The following ARHGAP24 variants were observed in gnomAD, a reference collection of about 807,000 sequenced individuals.
The protein encoded by ARHGAP24 is Rho GTPase activating protein 24, also known as rho GTPase-activating protein 24.
A neutral mutation model predicts 76.4 loss-of-function variants in ARHGAP24; 50 were observed. The observed-to-expected ratio is 0.65, with a 90% CI of 0.52 to 0.83. The LOEUF is 0.83. Among genes scored for constraint, ARHGAP24 ranks in the 40% least tolerant of loss-of-function variants. The pLI is 0.00. For synonymous variants in ARHGAP24, 345 were observed against 323.3 expected (o/e 1.07, Z -0.72); for missense variants, 930 against 914.2 (o/e 1.02, Z -0.22).
chr4:85,476,294 TTAGA>T (rs911279745), intron 1 of ARHGAP24, among the ~76,000 whole-genome samples: 12 of 152,070 alleles, frequency 7.9e-5, no homozygotes, highest in Admixed American at 5.2e-4. Flanking sequence ...TCTGAATTCC[TTAGA>T]TAGATTTTCA....
chr4:85,624,062 A>G (rs956982023), intron 2 of ARHGAP24, among the ~76,000 whole-genome samples: 27 of 152,114 alleles, frequency 1.8e-4, no homozygotes, highest in Non-Finnish European at 3.5e-4. Context: ...CTTTTTCCTA[A>G]TTGAATACCC....
At chr4:85,637,477 A>G (rs1349225382) in intron 2 of ARHGAP24, among the ~76,000 whole-genome samples, 2 of 152,082 alleles carry the variant, frequency 1.3e-5, no homozygotes, top group Admixed American at 1.3e-4. Flanking sequence ...GTATTCTTCA[A>G]TAATAGATTA....
chr4:85,983,096 G>C (rs960550896), intron 8 of ARHGAP24, among the ~76,000 whole-genome samples: 1 of 152,110 alleles, frequency 6.6e-6, no homozygotes, highest in Non-Finnish European at 1.5e-5. Context: ...CAAAGGACAT[G>C]ATCTCATTCC....
At chr4:85,902,722 G>A (rs796259792) in intron 3 of ARHGAP24, among the ~76,000 whole-genome samples, 2 of 152,296 alleles carry the variant, frequency 1.3e-5, no homozygotes, top group African/African-American at 4.8e-5. Flanking sequence ...TCCTGCCTCA[G>A]CCTCCTAAGT....
intron 2 of ARHGAP24, among the ~76,000 whole-genome samples, chr4:85,625,910 T>G (rs1191437063): frequency 6.6e-6 from 1 of 152,216 alleles, no homozygotes; most frequent in Non-Finnish European, 1.5e-5. Context: ...TTTTTTTGTT[T>G]TCTATTTGCT....
intron 3 of ARHGAP24, among the ~76,000 whole-genome samples, chr4:85,810,353 T>C (rs1026259364): frequency 3.9e-5 from 6 of 152,218 alleles, no homozygotes; most frequent in Non-Finnish European, 2.9e-5. Flanking sequence ...AATAGGATGC[T>C]ATCCATTTTG....
At chr4:85,693,270 C>T (rs530334941) in intron 2 of ARHGAP24, among the ~76,000 whole-genome samples, 2 of 152,172 alleles carry the variant, frequency 1.3e-5, no homozygotes, top group African/African-American at 2.4e-5. Context: ...ACCCTCCAAT[C>T]ACTGGCACTG....
intron 4 of ARHGAP24, among the ~76,000 whole-genome samples, chr4:85,925,289 CT>C (rs1315343325): frequency 6.6e-6 from 1 of 152,240 alleles, no homozygotes; most frequent in Non-Finnish European, 1.5e-5. Context: ...TACATTTACG[CT>C]GCACACACTA....
intron 1 of ARHGAP24, among the ~76,000 whole-genome samples, chr4:85,553,432 G>A (rs954600958): frequency 6.6e-6 from 1 of 152,134 alleles, no homozygotes; most frequent in African/African-American, 2.4e-5. Context: ...TTTACAGAGT[G>A]CTGATTGGTC....
At chr4:85,900,130 A>G (rs763943430) in intron 3 of ARHGAP24, among the ~76,000 whole-genome samples, 2 of 152,212 alleles carry the variant, frequency 1.3e-5, no homozygotes, top group Non-Finnish European at 2.9e-5. Flanking sequence ...AAGTATAATA[A>G]TGTATTTATA....
At chr4:85,954,780 G>A (rs1737813615) in intron 5 of ARHGAP24, among the ~76,000 whole-genome samples, 1 of 152,212 alleles carries the variant, frequency 6.6e-6, no homozygotes, top group African/African-American at 2.4e-5. Flanking sequence ...GGCCAAGGCG[G>A]GTGTATCACC....
At chr4:85,881,823 A>C (rs146818929) in intron 3 of ARHGAP24, among the ~76,000 whole-genome samples, 327 of 152,300 alleles carry the variant, frequency 2.1e-3, no homozygotes, top group Non-Finnish European at 4.0e-3. Context: ...TTTACATTTT[A>C]GTGAAGAGAA....
At chr4:85,674,709 A>G (rs1279760350) in intron 2 of ARHGAP24, among the ~76,000 whole-genome samples, 2 of 152,190 alleles carry the variant, frequency 1.3e-5, no homozygotes. Context: ...TCATGTAAGG[A>G]TGTGCCAATC....
At chr4:85,608,440 C>T (rs1025683747) in intron 2 of ARHGAP24, among the ~76,000 whole-genome samples, 10 of 151,272 alleles carry the variant, frequency 6.6e-5, no homozygotes, top group Non-Finnish European at 1.3e-4. Context: ...CTCTGTGAGA[C>T]TTTATTGTAT....
intron 4 of ARHGAP24, among the ~76,000 whole-genome samples, chr4:85,932,164 A>G (rs1486644521): frequency 6.6e-6 from 1 of 152,212 alleles, no homozygotes; most frequent in Non-Finnish European, 1.5e-5. Context: ...CTCATCCACA[A>G]AGATAATTAA....
At chr4:85,809,752 C>G (rs954771778) in intron 3 of ARHGAP24, among the ~76,000 whole-genome samples, 1 of 152,140 alleles carries the variant, frequency 6.6e-6, no homozygotes, top group Non-Finnish European at 1.5e-5. Context: ...AGGGTATTAG[C>G]CATGCAGGCT....
intron 5 of ARHGAP24, among the ~76,000 whole-genome samples, chr4:85,965,000 T>C (rs540369122): frequency 1.3e-5 from 2 of 152,192 alleles, no homozygotes; most frequent in East Asian, 3.9e-4. Flanking sequence ...CATGCCTCTA[T>C]ACACAGAAGA....
chr4:85,481,429 A>G (rs1723788267), intron 1 of ARHGAP24, among the ~76,000 whole-genome samples: 1 of 152,134 alleles, frequency 6.6e-6, no homozygotes, highest in Non-Finnish European at 1.5e-5. Context: ...TGATCTCAAT[A>G]TGATTCTCAT....
chr4:85,669,274 T>G (rs4693124), intron 2 of ARHGAP24, among the ~76,000 whole-genome samples: 55,618 of 151,888 alleles, frequency 0.37, 11,337 homozygotes, highest in East Asian at 0.84. Context: ...AATTGAGGAA[T>G]TTTGATACTT....
Sources: allele counts gnomAD v4.1 joint callset (sites outside exome capture counted in the v4.1 genomes callset), GRCh38; gene constraint gnomAD v4.1.1; transcripts MANE v1.5; gene names NCBI Gene and HGNC (gene_info 2026-07-23, HGNC 2026-07-21).